Variants in TDRD5 observed in about 807,000 individuals in gnomAD.
TDRD5 encodes the protein tudor domain containing 5.
In TDRD5, 41 loss-of-function variants were observed where a neutral mutation model predicts 120.6. That is an observed-to-expected ratio of 0.34 (90% confidence interval 0.26 to 0.44). The LOEUF is 0.44. Among genes scored for constraint, TDRD5 ranks in the 20% least tolerant of loss-of-function variants. The pLI is 1.00. For synonymous variants in TDRD5, 430 were observed against 433.7 expected, an observed-to-expected ratio of 0.99 and a Z score of 0.11; for missense variants, 1,006 against 1,221.2, an observed-to-expected ratio of 0.82 and a Z score of 2.63.
intron 13 of TDRD5, among the ~76,000 whole-genome samples, 190 bp downstream of exon 13, chr1:179,652,387 C>T (rs1380706024): frequency 6.6e-6 from 1 of 152,072 alleles, no homozygotes; most frequent in East Asian, 1.9e-4. Flanking sequence ...AACAGTTGCT[C>T]TCATATAGTA....
chr1:179,673,543 T>A (rs1007605905), intron 17 of TDRD5, among the ~76,000 whole-genome samples: 1 of 152,166 alleles, frequency 6.6e-6, no homozygotes, highest in African/African-American at 2.4e-5. Flanking sequence ...GAGACATCAA[T>A]CAATATATGT....
rs376532201 is a variant in TDRD5, at chr1:179,675,566, AC to A, written c.2860+6164del. On this transcript the variant is annotated intron_variant, in intron 17 of 17. Coordinates refer to ENST00000444136, the MANE Select transcript of TDRD5 (RefSeq NM_001199085.3). ...AGTGCTGGGATTACAGGCGTGAGCCACCGCGCCCGGCCCTCAAAGAATTTTT... is the reference window on the plus strand; with the variant it reads ...AGTGCTGGGATTACAGGCGTGAGCCACGCGCCCGGCCCTCAAAGAATTTTT... Among the ~76,000 whole-genome samples, 89 of 152,200 alleles carry A rather than the reference AC, an allele frequency of 5.8e-4. 5 individuals are homozygous for A. The South Asian group carries it at 0.018, about 31-fold the overall frequency.
In TDRD5 at chr1:179,614,751, G is replaced by C. The variant is rs116605665; in HGVS notation, c.832-3848G>C. The stretch of plus-strand genomic sequence containing the variant: ...TTTTGTGACACTCGGGGGAGGGGGG[G>C]TTTAAAAATATTTTTAATTGATGAG... On this transcript the variant is annotated intron_variant, in intron 4 of 17. Transcript: ENST00000444136. Among the ~76,000 whole-genome samples, 1,446 of 151,944 alleles carry C rather than the reference G, an allele frequency of 9.5e-3. 13 individuals carry two copies. The highest frequency in any genetic ancestry group is 0.033 in the African/African-American group (1,382 of 41,416).
At chr1:179,641,278 C>G (rs1440600341) in intron 11 of TDRD5, among the ~76,000 whole-genome samples, 1 of 151,816 alleles carries the variant, frequency 6.6e-6, no homozygotes, top group Non-Finnish European at 1.5e-5. Context: ...GCCTGTAATC[C>G]CAGCACTTTG....
chr1:179,614,342 T>C (rs1244955816), intron 4 of TDRD5, among the ~76,000 whole-genome samples: 1 of 152,186 alleles, frequency 6.6e-6, no homozygotes, highest in Admixed American at 6.5e-5. Flanking sequence ...ATGGTGTGAA[T>C]GTGCCATAAT....
At chr1:179,639,108 A>G (rs1399803267) in intron 9 of TDRD5, among the ~76,000 whole-genome samples, 1 of 152,234 alleles carries the variant, frequency 6.6e-6, no homozygotes, top group East Asian at 1.9e-4. Context: ...GTGGTATAAG[A>G]CATGAAAATG....
At chr1:179,652,624 C>A (rs1678784425) in intron 13 of TDRD5, among the ~76,000 whole-genome samples, 1 of 152,132 alleles carries the variant, frequency 6.6e-6, no homozygotes, top group African/African-American at 2.4e-5. Context: ...GAACTTGTAC[C>A]ACATGGCAGG....
chr1:179,640,052 G>GTGAGT lies in TDRD5; in HGVS notation c.1733+5_1733+9dup, dbSNP rs753925389. The GTGAGT allele has an allele frequency of 6.2e-7, 1 of 1,613,946 alleles. No individual in the cohort carries two copies. Among genetic ancestry groups the GTGAGT allele is most frequent in the East Asian group, 2.2e-5 (1 of 44,876 alleles). On this transcript the variant is annotated splice_donor_variant, in intron 10 of 17. Transcript: ENST00000444136. LOFTEE classifies it high-confidence loss of function. The stretch of plus-strand genomic sequence containing the variant: ...AGAAGTCCTCCCTGAGGTTCCTCAA[G>GTGAGT]TGAGTTGAATTGAATTAGAACAATG...
At chr1:179,685,237 G>A (rs1463770503) in intron 17 of TDRD5, among the ~76,000 whole-genome samples, 1 of 152,148 alleles carries the variant, frequency 6.6e-6, no homozygotes, top group Non-Finnish European at 1.5e-5. Flanking sequence ...GTAAGGAAGG[G>A]ATCCAGTTTC....
Position 179,628,319 on chromosome 1 carries a change from CTTTTCTTTTTTTT to C in TDRD5, c.973-2443_973-2431del, listed in dbSNP as rs1402110551. On this transcript the variant is annotated intron_variant, in intron 6 of 17. Transcript: ENST00000444136. ...TCAATTTATTTATTTCTTTTCTTTT[CTTTTCTTTTTTTT>C]TTTTTTTTTTTTTTTTTTAAGACGG... Among the ~76,000 whole-genome samples the C allele has an allele frequency of 9.5e-3, 722 of 76,300 alleles. 4 individuals are homozygous for C. The highest frequency in any genetic ancestry group is 0.036 in the African/African-American group (672 of 18,558). The allele number at this position is 76,300 out of a possible 152,430, so 50.1% of individuals were successfully genotyped here. A position where few individuals can be genotyped will look rare whatever the true frequency, so the allele number is the denominator to read the frequency against.
intron 15 of TDRD5, among the ~76,000 whole-genome samples, chr1:179,662,542 C>G (rs955173976): frequency 3.9e-5 from 6 of 151,908 alleles, no homozygotes; most frequent in African/African-American, 1.5e-4. Flanking sequence ...TTGCAGTGAG[C>G]CAAGATCATG....
At chr1:179,684,111 A>T (rs979718902) in intron 17 of TDRD5, among the ~76,000 whole-genome samples, 1 of 152,130 alleles carries the variant, frequency 6.6e-6, no homozygotes, top group Non-Finnish European at 1.5e-5. Flanking sequence ...GGTTTGTTAC[A>T]TATGTATACA....
chr1:179,642,597 T>A (rs1371055900), intron 11 of TDRD5, among the ~76,000 whole-genome samples: 1 of 152,236 alleles, frequency 6.6e-6, no homozygotes, highest in East Asian at 1.9e-4. Flanking sequence ...TCACCTTGTT[T>A]TATCTTCATA....
intron 5 of TDRD5, among the ~76,000 whole-genome samples, chr1:179,619,142 T>G (rs1676713407): frequency 6.6e-6 from 1 of 152,190 alleles, no homozygotes; most frequent in South Asian, 2.1e-4. Flanking sequence ...AGAAGTGGAA[T>G]TGCTAGTCAG....
At chr1:179,620,255 G>A (rs1245498654) in intron 5 of TDRD5, among the ~76,000 whole-genome samples, 2 of 152,084 alleles carry the variant, frequency 1.3e-5, no homozygotes, top group African/African-American at 4.8e-5. Flanking sequence ...TCTGAAGCTT[G>A]ATTAGAATTT....
rs1677976743 is a variant in TDRD5 at position 179,640,321 on chromosome 1, G to C, written c.1734-58G>C. 1.9e-6 allele frequency: 3 copies of C among 1,581,956 alleles called. No homozygotes were observed. In the Admixed American group the frequency reaches 5.0e-5, roughly 26 times the overall value. ...AAAGTGATTTTTTGGGTCATGCTAA[G>C]AGGTGCATTTATATATAGCAGGAAG... On this transcript the variant is annotated intron_variant, in intron 10 of 17. Coordinates refer to ENST00000444136, the MANE Select transcript of TDRD5 (RefSeq NM_001199085.3).
chr1:179,648,020 A>G (rs910722252), intron 11 of TDRD5, among the ~76,000 whole-genome samples: 1 of 152,164 alleles, frequency 6.6e-6, no homozygotes, highest in African/African-American at 2.4e-5. Flanking sequence ...TAGTTCAACC[A>G]TTGTGGAAGT....
intron 4 of TDRD5, among the ~76,000 whole-genome samples, chr1:179,611,244 G>A (rs2101945404): frequency 6.6e-6 from 1 of 152,056 alleles, no homozygotes; most frequent in Middle Eastern, 3.4e-3. Context: ...TAGAGATGGG[G>A]TTTCATCATG....
rs1675895566 is a variant in TDRD5, at chr1:179,604,917, C to T, written c.831+9099C>T. Among the ~76,000 whole-genome samples the T allele has an allele frequency of 2.6e-5, 4 of 151,912 alleles. No homozygotes were observed. In the South Asian group the frequency reaches 8.3e-4, roughly 32 times the overall value. The stretch of plus-strand genomic sequence containing the variant: ...TTTGTTCCTAGGTATAGTTTAAATC[C>T]ATTGTGTCTTTAACTTTCTGTCTTG... On this transcript the variant is annotated intron_variant, in intron 4 of 17. Coordinates refer to ENST00000444136, the MANE Select transcript of TDRD5 (RefSeq NM_001199085.3).
Sources: allele counts gnomAD v4.1 joint callset (sites outside exome capture counted in the v4.1 genomes callset), GRCh38; gene constraint gnomAD v4.1.1; transcripts MANE v1.5; gene names NCBI Gene and HGNC (gene_info 2026-07-23, HGNC 2026-07-21).